KCNIP4: variants seen among roughly 807,000 people sequenced by gnomAD.
KCNIP4 encodes Kv channel-interacting protein 4.
In KCNIP4, 12 loss-of-function variants were observed where a neutral mutation model predicts 34.0. The observed-to-expected ratio is 0.35, with a 90% CI of 0.23 to 0.57. The LOEUF (loss-of-function observed/expected upper bound fraction) is 0.57, where lower values mean the gene tolerates loss of function less well. Among genes scored for constraint, KCNIP4 ranks in the 20% least tolerant of loss-of-function variants. The pLI is 0.83. For missense variants in KCNIP4, 238 were observed against 311.7 expected (o/e 0.76, Z 1.78); for synonymous variants, 124 against 102.2 (o/e 1.21, Z -1.29).
chr4:21,428,293 T>G (rs1485202716), intron 1 of KCNIP4, among the ~76,000 whole-genome samples: 1 of 152,224 alleles, frequency 6.6e-6, no homozygotes, highest in Non-Finnish European at 1.5e-5. Context: ...TGCAATCCTT[T>G]TTAAATGTAA....
chr4:21,230,993 T>C (rs1456379153), intron 1 of KCNIP4, among the ~76,000 whole-genome samples: 1 of 152,188 alleles, frequency 6.6e-6, no homozygotes, highest in Non-Finnish European at 1.5e-5. Context: ...TGTAAAAGCG[T>C]TCCTATTGGG....
intron 1 of KCNIP4, among the ~76,000 whole-genome samples, chr4:21,124,422 T>G (rs1750436799): frequency 6.6e-6 from 1 of 152,128 alleles, no homozygotes; most frequent in Admixed American, 6.5e-5. Flanking sequence ...CTTGAGAAAT[T>G]TTTTCATCTC....
chr4:21,588,818 A>T (rs1468567181), intron 1 of KCNIP4, among the ~76,000 whole-genome samples: 1 of 151,750 alleles, frequency 6.6e-6, no homozygotes, highest in Non-Finnish European at 1.5e-5. Flanking sequence ...TTTTTTTTGT[A>T]TATCATAGTA....
intron 3 of KCNIP4, among the ~76,000 whole-genome samples, chr4:20,841,635 A>T (rs1333367724): frequency 6.6e-6 from 1 of 151,906 alleles, no homozygotes; most frequent in Non-Finnish European, 1.5e-5. Flanking sequence ...ACCCTGGTCT[A>T]TGCCACATCT....
chr4:20,920,478 C>T (rs1223340749), intron 1 of KCNIP4, among the ~76,000 whole-genome samples: 1 of 152,174 alleles, frequency 6.6e-6, no homozygotes, highest in Admixed American at 6.5e-5. Flanking sequence ...GAGAGGATAA[C>T]AGCACAGGCT....
rs1577718194 is a variant in KCNIP4, at chr4:21,629,031, T to C, written c.61+319540A>G. Among the ~76,000 whole-genome samples the C allele has an allele frequency of 2.6e-5, 4 of 152,284 alleles. 1 individual carries two copies. The highest frequency in any genetic ancestry group is 2.6e-4 in the Admixed American group (4 of 15,276). On this transcript the variant is annotated intron_variant, in intron 1 of 8. Coordinates refer to ENST00000382152, the MANE Select transcript of KCNIP4 (RefSeq NM_025221.6). ...CCTGAGATAATAAAATTGCATTTTC[T>C]CCACACCCCTCCAAGGTGTTGGGTG... is the stretch of plus-strand genomic sequence containing the variant.
At chr4:21,931,166 TC>T (rs1161197392) in intron 1 of KCNIP4, among the ~76,000 whole-genome samples, 1 of 152,012 alleles carries the variant, frequency 6.6e-6, no homozygotes, top group Admixed American at 6.6e-5. Flanking sequence ...CTACAGCCCA[TC>T]TTTTACTTCT....
chr4:20,978,303 T>C (rs150823132), intron 1 of KCNIP4, among the ~76,000 whole-genome samples: 1 of 152,198 alleles, frequency 6.6e-6, no homozygotes, highest in Non-Finnish European at 1.5e-5. Flanking sequence ...TTTAGGCTAC[T>C]ATGGAAACCT....
intron 1 of KCNIP4, among the ~76,000 whole-genome samples, chr4:20,916,914 A>T (rs1231410342): frequency 7.4e-6 from 1 of 135,596 alleles, no homozygotes. Flanking sequence ...ATTTTTCCTT[A>T]CCTCCCCTCC....
At chr4:21,315,366 AT>A (rs1166792315) in intron 1 of KCNIP4, 2 of 152,100 alleles carry the variant, frequency 1.3e-5, no homozygotes, top group Admixed American at 6.5e-5. Context: ...CTTCTTTATG[AT>A]TTTTTTAATT....
intron 1 of KCNIP4, among the ~76,000 whole-genome samples, chr4:21,183,469 G>GTTTTTTTTTTTTT (rs3080812): frequency 2.3e-5 from 3 of 128,298 alleles, no homozygotes; most frequent in Admixed American, 1.6e-4. Flanking sequence ...TGTTGTTTTT[G>GTTTTTTTTTTTTT]TTTTTTTTTT....
At chr4:21,421,364 A>G (rs1725438673) in intron 1 of KCNIP4, among the ~76,000 whole-genome samples, 1 of 152,308 alleles carries the variant, frequency 6.6e-6, no homozygotes, top group Admixed American at 6.5e-5. Flanking sequence ...GGATTTGAAA[A>G]CAATCCAATT....
chr4:21,140,519 A>G (rs895747152), intron 1 of KCNIP4, among the ~76,000 whole-genome samples: 13 of 152,222 alleles, frequency 8.5e-5, no homozygotes, highest in African/African-American at 2.6e-4. Flanking sequence ...CCTCGATTTT[A>G]ATTTAAAACT....
intron 1 of KCNIP4, among the ~76,000 whole-genome samples, chr4:21,433,987 T>G (rs1200575865): frequency 1.3e-5 from 2 of 152,212 alleles, no homozygotes; most frequent in African/African-American, 2.4e-5. Context: ...GCAAGGCTGA[T>G]TTTATAATCG....
chr4:21,654,955 T>C (rs1747807889), intron 1 of KCNIP4, among the ~76,000 whole-genome samples: 1 of 151,868 alleles, frequency 6.6e-6, no homozygotes, highest in African/African-American at 2.4e-5. Flanking sequence ...GAAAACTGTA[T>C]GACTAGTCTG....
At chr4:20,858,869 G>T (rs1721901102) in intron 2 of KCNIP4, among the ~76,000 whole-genome samples, 1 of 152,034 alleles carries the variant, frequency 6.6e-6, no homozygotes, top group Admixed American at 6.6e-5. Context: ...GAGTAAATTG[G>T]GACTCACATT....
At chr4:21,470,184 C>A (rs1476946590) in intron 1 of KCNIP4, among the ~76,000 whole-genome samples, 2 of 152,002 alleles carry the variant, frequency 1.3e-5, no homozygotes, top group Non-Finnish European at 2.9e-5. Flanking sequence ...TTGGTACTGC[C>A]GGTTCAGAGA....
At chr4:21,044,449 C>A (rs1742256216) in intron 1 of KCNIP4, among the ~76,000 whole-genome samples, 1 of 152,034 alleles carries the variant, frequency 6.6e-6, no homozygotes, top group South Asian at 2.1e-4. Flanking sequence ...GTAGCTGGGA[C>A]TAGAGGCACC....
At chr4:21,691,326 C>T (rs949940110) in intron 1 of KCNIP4, among the ~76,000 whole-genome samples, 3 of 152,122 alleles carry the variant, frequency 2.0e-5, no homozygotes, top group Non-Finnish European at 4.4e-5. Flanking sequence ...TATTCCTGTA[C>T]TCAAGGCCAC....
Sources: allele counts gnomAD v4.1 joint callset (sites outside exome capture counted in the v4.1 genomes callset), GRCh38; gene constraint gnomAD v4.1.1; transcripts MANE v1.5; gene names NCBI Gene and HGNC (gene_info 2026-07-23, HGNC 2026-07-21).